PDZRN3: variants seen among roughly 807,000 people sequenced by gnomAD.
PDZRN3 encodes the protein E3 ubiquitin-protein ligase PDZRN3.
In PDZRN3, 38 loss-of-function variants were observed where a neutral mutation model predicts 85.7. The observed-to-expected ratio is 0.44, with a 90% CI of 0.34 to 0.58. The LOEUF is 0.58. Among genes scored for constraint, PDZRN3 ranks in the 20% least tolerant of loss-of-function variants. PDZRN3 has a pLI of 0.01. For synonymous variants in PDZRN3, 759 were observed against 638.0 expected, an observed-to-expected ratio of 1.19 and a Z score of -2.86; for missense variants, 1,629 against 1,506.4, an observed-to-expected ratio of 1.08 and a Z score of -1.35.
At chr3:73,491,544 A>T (rs1184945258) in intron 3 of PDZRN3, among the ~76,000 whole-genome samples, 1 of 151,574 alleles carries the variant, frequency 6.6e-6, no homozygotes, top group African/African-American at 2.4e-5. Flanking sequence ...AAGTAGACAG[A>T]CTTCCAGTCA....
intron 3 of PDZRN3, among the ~76,000 whole-genome samples, chr3:73,500,304 C>G (rs562942624): frequency 1.3e-5 from 2 of 152,282 alleles, no homozygotes; most frequent in East Asian, 3.9e-4. Flanking sequence ...CAACCTCAGC[C>G]TCCTAAAGTG....
rs371977973 is a variant in PDZRN3 at position 73,384,778 on chromosome 3, G to A, written c.1788C>T (p.Ser596=). 25 of 1,613,846 alleles carry A rather than the reference G, an allele frequency of 1.5e-5. No individual in the cohort carries two copies. Among genetic ancestry groups the A allele is most frequent in the African/African-American group, 2.7e-5 (2 of 74,944 alleles). The stretch of plus-strand genomic sequence containing the variant: ...TCCTCTGCCCCGCCAGCGGGTTGGA[G>A]GATGCGGTGGCGTCGTCGCCATTGT... ...QENNGDDATA[S]SNPLAGQRKL... is the part of the protein sequence containing the mutation. Residue 596 remains serine, a synonymous_variant, in exon 10 of 10, where the codon TCC becomes TCT. Transcript: ENST00000263666.
chr3:73,453,907 G>A (rs1477152047), intron 3 of PDZRN3, among the ~76,000 whole-genome samples: 1 of 152,138 alleles, frequency 6.6e-6, no homozygotes, highest in African/African-American at 2.4e-5. Flanking sequence ...CATTGCAGAG[G>A]GGTCAGTGTT....
chr3:73,405,395 A>G (rs1358399156), intron 3 of PDZRN3, among the ~76,000 whole-genome samples: 1 of 152,210 alleles, frequency 6.6e-6, no homozygotes, highest in South Asian at 2.1e-4. Context: ...CCATAAAACA[A>G]AGGAACTATG....
intron 3 of PDZRN3, among the ~76,000 whole-genome samples, chr3:73,453,829 C>A (rs1046661409): frequency 1.6e-4 from 24 of 152,162 alleles, no homozygotes; most frequent in Non-Finnish European, 1.5e-5. Flanking sequence ...CATATTCATT[C>A]TTTTTGATCT....
intron 3 of PDZRN3, among the ~76,000 whole-genome samples, chr3:73,574,459 G>GT (rs1477199841): frequency 7.1e-6 from 1 of 140,024 alleles, no homozygotes; most frequent in East Asian, 2.2e-4. Context: ...GGCTGGGGTG[G>GT]GGGGGGTGGG....
intron 3 of PDZRN3, among the ~76,000 whole-genome samples, chr3:73,480,658 T>G (rs1282458021): frequency 6.6e-6 from 1 of 152,160 alleles, no homozygotes; most frequent in Non-Finnish European, 1.5e-5. Context: ...GCAGGGTTGA[T>G]ATTTCCACTT....
intron 1 of PDZRN3, among the ~76,000 whole-genome samples, chr3:73,617,361 T>G (rs1358070090): frequency 6.6e-6 from 1 of 152,210 alleles, no homozygotes; most frequent in African/African-American, 2.4e-5. Context: ...CCTTTCTTAT[T>G]GTAACAGGCT....
intron 3 of PDZRN3, among the ~76,000 whole-genome samples, chr3:73,428,942 A>C (rs2106794884): frequency 6.6e-6 from 1 of 152,050 alleles, no homozygotes; most frequent in African/African-American, 2.4e-5. Flanking sequence ...ACTGTCACCC[A>C]GGCTGGAATG....
intron 3 of PDZRN3, among the ~76,000 whole-genome samples, chr3:73,405,534 G>T (rs1254048225): frequency 6.6e-6 from 1 of 152,216 alleles, no homozygotes; most frequent in Non-Finnish European, 1.5e-5. Context: ...AAAAGCAAAT[G>T]TAAAATGATG....
At chr3:73,580,018 A>C (rs1177557934) in intron 3 of PDZRN3, among the ~76,000 whole-genome samples, 7 of 152,150 alleles carry the variant, frequency 4.6e-5, no homozygotes, top group Non-Finnish European at 1.0e-4. Flanking sequence ...TATCATTTCC[A>C]TGTTATTTGG....
At chr3:73,590,278 AAAAAAAAAG>A (rs1344152410) in intron 3 of PDZRN3, among the ~76,000 whole-genome samples, 3 of 151,558 alleles carry the variant, frequency 2.0e-5, no homozygotes, top group Admixed American at 2.0e-4. Flanking sequence ...CAAAAAAAAA[AAAAAAAAAG>A]AAAGAGAATG....
In PDZRN3 at chr3:73,495,533, C is replaced by T. The variant is rs544822835; in HGVS notation, c.919-91138G>A. 2.4e-4 allele frequency among the ~76,000 whole-genome samples: 36 copies of T among 152,210 alleles called. No homozygotes were observed. The Middle Eastern group carries it at 0.01, about 43-fold the overall frequency. ...GTCTTAGAGACCTTTCTTATCCGTG[C>T]GCATATATTTGTCTTATTATTTTTA... On this transcript the variant is annotated intron_variant, in intron 3 of 9. Coordinates refer to ENST00000263666, the MANE Select transcript of PDZRN3 (RefSeq NM_015009.3).
intron 3 of PDZRN3, among the ~76,000 whole-genome samples, chr3:73,531,069 T>C (rs1197509826): frequency 6.6e-6 from 1 of 151,852 alleles, no homozygotes; most frequent in Non-Finnish European, 1.5e-5. Context: ...GCTAACACAG[T>C]GAAATCCCGT....
At chr3:73,492,412 G>A (rs1216368622) in intron 3 of PDZRN3, among the ~76,000 whole-genome samples, 2 of 152,122 alleles carry the variant, frequency 1.3e-5, no homozygotes, top group African/African-American at 4.8e-5. Flanking sequence ...CTTGGCCCTA[G>A]GGGGCATTTG....
At chr3:73,501,278 ATC>A (rs1196346941) in intron 3 of PDZRN3, among the ~76,000 whole-genome samples, 2 of 152,218 alleles carry the variant, frequency 1.3e-5, no homozygotes, top group Non-Finnish European at 2.9e-5. Context: ...AGCTAGAGGC[ATC>A]TCTCTGAGTC....
intron 3 of PDZRN3, among the ~76,000 whole-genome samples, chr3:73,469,475 G>A (rs964317013): frequency 2.0e-5 from 3 of 152,180 alleles, no homozygotes; most frequent in Non-Finnish European, 4.4e-5. Flanking sequence ...TCAAGGCAAG[G>A]TATGCATGCT....
chr3:73,452,798 T>C (rs935733933), intron 3 of PDZRN3, among the ~76,000 whole-genome samples: 4 of 151,150 alleles, frequency 2.6e-5, no homozygotes, highest in African/African-American at 4.9e-5. Flanking sequence ...AAGATATTCA[T>C]GAGGCAACGA....
At chr3:73,410,683 G>T (rs1046301083) in intron 3 of PDZRN3, among the ~76,000 whole-genome samples, 18 of 152,234 alleles carry the variant, frequency 1.2e-4, no homozygotes, top group African/African-American at 4.1e-4. Context: ...AATACATCTG[G>T]CTACCAGCCT....
Sources: gnomAD v4.1 joint callset for allele counts (sites outside exome capture counted in the v4.1 genomes callset) on GRCh38, gnomAD v4.1.1 for gene constraint, MANE v1.5 for transcripts, NCBI Gene and HGNC (gene_info 2026-07-23, HGNC 2026-07-21) for gene names.